Variants in SLC19A1 observed in about 807,000 individuals in gnomAD.
The protein encoded by SLC19A1 is reduced folate transporter.
In SLC19A1, 37 loss-of-function variants were observed where a neutral mutation model predicts 35.3. The ratio of observed to expected loss-of-function variants is 1.05; its 90% CI spans 0.81 to 1.38. The LOEUF (loss-of-function observed/expected upper bound fraction) is 1.38, where lower values mean the gene tolerates loss of function less well. Among genes scored for constraint, SLC19A1 ranks in the 40% most tolerant of loss-of-function variants. The pLI is 0.00. For synonymous variants in SLC19A1, 460 were observed against 398.5 expected (o/e 1.15, Z -1.84); for missense variants, 831 against 826.9 (o/e 1.00, Z -0.06).
At chr21:45,545,626 T>G (rs1374300730), upstream of SLC19A1, among the ~76,000 whole-genome samples, 1 of 150,404 alleles carries the variant, frequency 6.6e-6, no homozygotes, top group Non-Finnish European at 1.5e-5. Flanking sequence ...CCAAGACATA[T>G]GCACAGATAC....
At chr21:45,511,328 C>T (rs1484606711), downstream of SLC19A1, 1 of 709,494 alleles carries the variant, frequency 1.4e-6, no homozygotes, top group African/African-American at 1.8e-5. Context: ...TTGGACAAAT[C>T]TTATACATGC....
intron 4 of SLC19A1, among the ~76,000 whole-genome samples, chr21:45,527,586 A>AGTTACTGC (rs1801168249): frequency 2.6e-5 from 1 of 39,186 alleles, no homozygotes; most frequent in African/African-American, 7.5e-5. Flanking sequence ...GAGTGGCAGC[A>AGTTACTGC]GGGCAGGGTG....
chr21:45,521,306 G>C (rs947315536), intron 5 of SLC19A1, among the ~76,000 whole-genome samples: 1 of 152,116 alleles, frequency 6.6e-6, no homozygotes, highest in Non-Finnish European at 1.5e-5. Context: ...TTAAGAAAAA[G>C]CATAAACTAA....
chr21:45,556,896 G>A (rs574429164), intron 1 of SLC19A1, among the ~76,000 whole-genome samples: 1 of 150,928 alleles, frequency 6.6e-6, no homozygotes, highest in Admixed American at 6.6e-5. Flanking sequence ...CTGGGACGGC[G>A]ACTCAGATGC....
chr21:45,516,407 C>G (rs933003882), intron 5 of SLC19A1, among the ~76,000 whole-genome samples: 1 of 152,196 alleles, frequency 6.6e-6, no homozygotes, highest in African/African-American at 2.4e-5. Flanking sequence ...CCTGCTTCTG[C>G]GTGGCCTGCG....
downstream of SLC19A1, chr21:45,512,168 C>T (rs117866003): frequency 3.7e-3 from 5,899 of 1,603,690 alleles, 21 homozygotes; most frequent in Non-Finnish European, 4.6e-3. Flanking sequence ...GTTTGACTGA[C>T]GGCCCGGCGC....
Position 45,559,777 on chromosome 21 carries a change from C to G in SLC19A1, c.-50+2965G>C, listed in dbSNP as rs551533583. Among the ~76,000 whole-genome samples the G allele has an allele frequency of 1.6e-3, 244 of 152,340 alleles. 1 individual carries two copies. The highest frequency in any genetic ancestry group is 5.7e-3 in the African/African-American group (236 of 41,570). The stretch of plus-strand genomic sequence containing the variant: ...TAGTCATTCAAATGCGCATCATTCC[C>G]TCACACAGGGTATTTTTAAGAGAAA... On this transcript the variant is annotated intron_variant, in intron 1 of 5. Coordinates refer to the SLC19A1 transcript ENST00000650808.
At chr21:45,542,486 TC>T (rs1355133108), upstream of SLC19A1, 2 of 150,446 alleles carry the variant, frequency 1.3e-5, no homozygotes, top group African/African-American at 4.9e-5. Flanking sequence ...GGTGGGCGGG[TC>T]CGTCCCGCCG....
chr21:45,561,641 G>T (rs1185191336), intron 1 of SLC19A1, among the ~76,000 whole-genome samples: 1 of 151,876 alleles, frequency 6.6e-6, no homozygotes, highest in Admixed American at 6.6e-5. Flanking sequence ...TGCACCTGTA[G>T]TCCCAGCTAT....
upstream of SLC19A1, among the ~76,000 whole-genome samples, chr21:45,547,537 A>T (rs2078427351): frequency 6.6e-6 from 1 of 152,166 alleles, no homozygotes; most frequent in South Asian, 2.1e-4. Context: ...CTGCTGCTAA[A>T]ACTTTGATCT....
chr21:45,532,248 C>G, intron 2 of SLC19A1, 100 bp from the exon 3 acceptor site: 17 of 950,574 alleles, frequency 1.8e-5, no homozygotes, highest in Non-Finnish European at 2.7e-5. Context: ...GCTTCCTGCC[C>G]CAACACTGCC....
intron 5 of SLC19A1, among the ~76,000 whole-genome samples, chr21:45,525,566 A>AG (rs758525503): frequency 2.0e-5 from 3 of 152,208 alleles, no homozygotes; most frequent in Admixed American, 1.3e-4. Context: ...CGCCGTGGCG[A>AG]GCAGAGGCTC....
rs532531922 is a variant in SLC19A1 at position 45,552,415 on chromosome 21, A to G, written c.-50+10327T>C. ...TGTGCCACCAGCAGGCAGTGTGGAC[A>G]TCGGTGGCTGTTGGGTCGGGGGCCC... On this transcript the variant is annotated intron_variant, in intron 1 of 5. Coordinates refer to the SLC19A1 transcript ENST00000650808. 2.7e-5 allele frequency among the ~76,000 whole-genome samples: 4 copies of G among 147,972 alleles called. No individual in the cohort carries two copies. The East Asian group carries it at 8.1e-4, about 30-fold the overall frequency.
intron 3 of SLC19A1, chr21:45,506,180 G>T (rs1274504558): frequency 1.1e-5 from 7 of 645,162 alleles, no homozygotes; most frequent in African/African-American, 1.8e-5. Flanking sequence ...TCTGAAAGTG[G>T]ATGAACACAT....
At chr21:45,560,005 G>A (rs563949852) in intron 1 of SLC19A1, among the ~76,000 whole-genome samples, 19 of 152,290 alleles carry the variant, frequency 1.2e-4, no homozygotes, top group Middle Eastern at 6.8e-3. Context: ...CCAAAACGTC[G>A]GAAATGCAGC....
chr21:45,516,196 C>A, intron 5 of SLC19A1, 56 bp from the exon 6 acceptor site: 1 of 1,384,224 alleles, frequency 7.2e-7, no homozygotes, highest in South Asian at 1.3e-5. Context: ...GACACTGGCA[C>A]CCTACACCCC....
intron 5 of SLC19A1, among the ~76,000 whole-genome samples, chr21:45,521,247 CCAAA>C (rs1177822800): frequency 6.6e-6 from 1 of 152,060 alleles, no homozygotes; most frequent in Admixed American, 6.6e-5. Flanking sequence ...CTATGGCAGC[CCAAA>C]CAGACTAATG....
chr21:45,552,408 T>C (rs2078474544), intron 1 of SLC19A1, among the ~76,000 whole-genome samples: 1 of 152,048 alleles, frequency 6.6e-6, no homozygotes, highest in African/African-American at 2.4e-5. Context: ...CAGCAGGCAG[T>C]GTGGACATCG....
At chr21:45,510,029 G>A, downstream of SLC19A1, 2 of 1,536,560 alleles carry the variant, frequency 1.3e-6, no homozygotes, top group Non-Finnish European at 1.7e-6. Flanking sequence ...GGGGCAGCGT[G>A]GGACACAGCC....
Sources: gnomAD v4.1 joint callset for allele counts (sites outside exome capture counted in the v4.1 genomes callset) on GRCh38, gnomAD v4.1.1 for gene constraint, MANE v1.5 for transcripts, NCBI Gene and HGNC (gene_info 2026-07-23, HGNC 2026-07-21) for gene names.